The following NFIX variants were observed in gnomAD, a reference collection of about 807,000 sequenced individuals.
The protein encoded by NFIX is nuclear factor 1 X-type.
In NFIX, 2 loss-of-function variants were observed where a neutral mutation model predicts 53.3. That is an observed-to-expected ratio of 0.04 (90% confidence interval 0.02 to 0.12). The LOEUF (loss-of-function observed/expected upper bound fraction) is 0.12. Ranked by LOEUF, NFIX falls within the 10% of genes least tolerant of loss-of-function variation. NFIX has a pLI of 1.00. For synonymous variants in NFIX, 244 were observed against 289.0 expected (o/e 0.84, Z 1.58); for missense variants, 310 against 674.5 (o/e 0.46, Z 5.99).
chr19:13,038,619 G>A (rs977446176), intron 2 of NFIX, among the ~76,000 whole-genome samples: 1 of 152,248 alleles, frequency 6.6e-6, no homozygotes, highest in Non-Finnish European at 1.5e-5. Flanking sequence ...TATGTGAAAT[G>A]TAATCATGAA....
At chr19:13,026,863 G>A (rs2013406023) in intron 2 of NFIX, among the ~76,000 whole-genome samples, 1 of 151,552 alleles carries the variant, frequency 6.6e-6, no homozygotes, top group South Asian at 2.1e-4. Flanking sequence ...TTCAACTCTC[G>A]CAAAGGTTGT....
At chr19:13,007,896 C>A (rs146574056) in intron 1 of NFIX, among the ~76,000 whole-genome samples, 7 of 152,160 alleles carry the variant, frequency 4.6e-5, no homozygotes, top group South Asian at 2.1e-4. Context: ...ACCACTCCCC[C>A]CTCTGTGGCA....
At chr19:13,018,365 A>G (rs766932333) in intron 1 of NFIX, among the ~76,000 whole-genome samples, 110 of 103,698 alleles carry the variant, frequency 1.1e-3, no homozygotes, top group Non-Finnish European at 1.7e-3. Context: ...GGTTTACAGG[A>G]GAGAAGTGTG....
intron 1 of NFIX, among the ~76,000 whole-genome samples, chr19:13,000,626 C>T (rs530565261): frequency 6.6e-6 from 1 of 152,036 alleles, no homozygotes; most frequent in South Asian, 2.1e-4. Context: ...GGTTGGGGGC[C>T]CTGAGTCCTG....
At chr19:13,083,439 T>G (rs1163630047) in intron 8 of NFIX, among the ~76,000 whole-genome samples, 11 of 152,126 alleles carry the variant, frequency 7.2e-5, no homozygotes, top group South Asian at 2.1e-4. Context: ...CTTGAGAAAG[T>G]GGGTCATTTA....
At position 13,094,976 on chromosome 19, in the gene NFIX, C is replaced by A. The variant is rs1666238834; in HGVS notation, c.*327C>A. 3.2e-6 allele frequency: 1 copy of A among 314,550 alleles called. No individual in the cohort carries two copies. Among genetic ancestry groups the A allele is most frequent in the Non-Finnish European group, 6.0e-6 (1 of 167,774 alleles). 19.5% of individuals were successfully genotyped at this position (314,550 alleles called of 1,614,324 possible). On this transcript the variant is annotated 3_prime_UTR_variant, in exon 11 of 11. Transcript: ENST00000592199. The surrounding 1 kb of genome is among the most constrained non-coding windows in gnomAD (Gnocchi z 4.3). ...TGCAGAACTGCCTTCCTCCCCCTGA[C>A]CCCGCCCCGGCCTTCTGGGGAAGGA...
rs1404607661 is a variant in NFIX, at chr19:13,094,078, C to T, written c.1495-557C>T. Among the ~76,000 whole-genome samples, 1 of 152,216 alleles carries T rather than the reference C, an allele frequency of 6.6e-6. No individual in the cohort carries two copies. Among genetic ancestry groups the T allele is most frequent in the Admixed American group, 6.5e-5 (1 of 15,288 alleles). On this transcript the variant is annotated intron_variant, in intron 10 of 10. Transcript: ENST00000592199. The surrounding 1 kb of genome is among the most constrained non-coding windows in gnomAD (Gnocchi z 4.3). ...ACCATGGGCTACGTGGCCCCTCCCC[C>T]AGGCCTGGCGCTACTAGGGACTGAA...
At chr19:13,053,733 A>T (rs2015469828) in intron 2 of NFIX, among the ~76,000 whole-genome samples, 1 of 152,100 alleles carries the variant, frequency 6.6e-6, no homozygotes, top group South Asian at 2.1e-4. Context: ...GGAGGTCAGG[A>T]GCTGAGAAGT....
chr19:13,038,189 A>G (rs1258663286), intron 2 of NFIX, among the ~76,000 whole-genome samples: 3 of 152,228 alleles, frequency 2.0e-5, no homozygotes, highest in Admixed American at 1.3e-4. Flanking sequence ...CAGTGCTGAC[A>G]GCAAGCCCTG....
rs1303596970 is a variant in NFIX, at chr19:13,011,456, C to T, written c.28-13565C>T. On this transcript the variant is annotated intron_variant, in intron 1 of 10. Transcript: ENST00000592199. The surrounding 1 kb of genome is among the most constrained non-coding windows in gnomAD (Gnocchi z 6.5). Reference sequence around the variant, plus strand: ...CTCCAGGCCTTCGCTCCAGGTGCGCCCGGGCGGTGGAGGCGAGTTCCCTGC... The same window carrying T: ...CTCCAGGCCTTCGCTCCAGGTGCGCTCGGGCGGTGGAGGCGAGTTCCCTGC... 6.6e-6 allele frequency among the ~76,000 whole-genome samples: 1 copy of T among 152,114 alleles called. No individual in the cohort carries two copies. The highest frequency in any genetic ancestry group is 2.4e-5 in the African/African-American group (1 of 41,438).
rs1036241439 is a variant in NFIX, at chr19:13,069,370, G to A, written c.560-3677G>A. 1.1e-4 allele frequency among the ~76,000 whole-genome samples: 17 copies of A among 152,310 alleles called. No individual in the cohort carries two copies. In the South Asian group the frequency reaches 2.1e-3, roughly 19 times the overall value. The stretch of plus-strand genomic sequence containing the variant: ...GAGACAGTCCTCGGGGGTGTCGGCC[G>A]ATGACAGAGGATAAAAGATGAAAGA... On this transcript the variant is annotated intron_variant, in intron 2 of 10. Coordinates refer to ENST00000592199, the MANE Select transcript of NFIX (RefSeq NM_001365902.3).
intron 1 of NFIX, among the ~76,000 whole-genome samples, chr19:12,999,094 G>T (rs4926176): frequency 6.6e-6 from 1 of 151,942 alleles, no homozygotes; most frequent in Non-Finnish European, 1.5e-5. Flanking sequence ...ACGGACAGGC[G>T]GATGGATGGA....
rs2018000296 is a variant in NFIX, at chr19:13,089,381, C to T, written c.1403-918C>T. 6.6e-6 allele frequency among the ~76,000 whole-genome samples: 1 copy of T among 152,176 alleles called. No individual in the cohort carries two copies. Among genetic ancestry groups the T allele is most frequent in the Admixed American group, 6.5e-5 (1 of 15,286 alleles). On this transcript the variant is annotated intron_variant, in intron 9 of 10. Coordinates refer to ENST00000592199, the MANE Select transcript of NFIX (RefSeq NM_001365902.3). This position sits in a 1 kb window ranked among gnomAD's most constrained non-coding sequence, Gnocchi z 4.8. ...GGGGTGCAGGGCCTGTTCCCTCCAGCAGGGCTCCATCTGGACAACCTGAGA... is the reference window on the plus strand; with the variant it reads ...GGGGTGCAGGGCCTGTTCCCTCCAGTAGGGCTCCATCTGGACAACCTGAGA...
rs2012574453 is a variant in NFIX, at chr19:13,014,946, G to C, written c.28-10075G>C. Among the ~76,000 whole-genome samples, 1 of 152,252 alleles carries C rather than the reference G, an allele frequency of 6.6e-6. No homozygotes were observed. Among genetic ancestry groups the C allele is most frequent in the Non-Finnish European group, 1.5e-5 (1 of 68,044 alleles). On this transcript the variant is annotated intron_variant, in intron 1 of 10. Coordinates refer to ENST00000592199, the MANE Select transcript of NFIX (RefSeq NM_001365902.3). This position sits in a 1 kb window ranked among gnomAD's most constrained non-coding sequence, Gnocchi z 4.4. Reference sequence around the variant, plus strand: ...TGGGGTAGACCGCTTAGAAGGGAAAGGGGATCCTGAAGTGCCTGAGGAAGA... The same window carrying C: ...TGGGGTAGACCGCTTAGAAGGGAAACGGGATCCTGAAGTGCCTGAGGAAGA...
At position 13,093,758 on chromosome 19, in the gene NFIX, C is replaced by T. The variant is rs528064454; in HGVS notation, c.1495-877C>T. 8.5e-5 allele frequency among the ~76,000 whole-genome samples: 13 copies of T among 152,258 alleles called. No individual in the cohort carries two copies. Among genetic ancestry groups the T allele is most frequent in the African/African-American group, 3.1e-4 (13 of 41,530 alleles). On this transcript the variant is annotated intron_variant, in intron 10 of 10. Coordinates refer to ENST00000592199, the MANE Select transcript of NFIX (RefSeq NM_001365902.3). This position sits in a 1 kb window ranked among gnomAD's most constrained non-coding sequence, Gnocchi z 4.7. ...CATTTTCAGGGACCCTCATTTTGCC[C>T]CAACGGTACTACCAGGTGCACCCAG...
rs1400076118 is a variant in NFIX, at chr19:13,081,268, C to T, written c.1079-412C>T. On this transcript the variant is annotated intron_variant, in intron 7 of 10. Transcript: ENST00000592199. This position sits in a 1 kb window ranked among gnomAD's most constrained non-coding sequence, Gnocchi z 4.7. ...GCCGTGATCCGTGTTTGTGCCACTG[C>T]ACTCCAGTCTGGATGACAGAGCGAG... Among the ~76,000 whole-genome samples, 1 of 152,132 alleles carries T rather than the reference C, an allele frequency of 6.6e-6. No homozygotes were observed. Among genetic ancestry groups the T allele is most frequent in the African/African-American group, 2.4e-5 (1 of 41,410 alleles).
In NFIX at chr19:13,081,670, G is replaced by A. The variant is rs772344456; in HGVS notation, c.1079-10G>A. 22 of 1,609,932 alleles carry A rather than the reference G, an allele frequency of 1.4e-5. No homozygotes were observed. The highest frequency in any genetic ancestry group is 1.6e-4 in the Middle Eastern group (1 of 6,070). ...CTGACGCCCTTTTTTCCCTGCCCAC[G>A]TGCATGCAGGGAGCCCCCGGGCCAC... On this transcript the variant is annotated splice_polypyrimidine_tract_variant and intron_variant, in intron 7 of 10. Transcript: ENST00000592199. This position sits in a 1 kb window ranked among gnomAD's most constrained non-coding sequence, Gnocchi z 4.7.
rs1325004006 is a variant in NFIX, at chr19:13,045,057, A to C, written c.559+19505A>C. Among the ~76,000 whole-genome samples, 1 of 152,206 alleles carries C rather than the reference A, an allele frequency of 6.6e-6. No homozygotes were observed. Among genetic ancestry groups the C allele is most frequent in the Non-Finnish European group, 1.5e-5 (1 of 68,032 alleles). On this transcript the variant is annotated intron_variant, in intron 2 of 10. Coordinates refer to ENST00000592199, the MANE Select transcript of NFIX (RefSeq NM_001365902.3). This position sits in a 1 kb window ranked among gnomAD's most constrained non-coding sequence, Gnocchi z 4.4. Reference sequence around the variant, plus strand: ...CAGCGGTGGCCCGCCGGCAGCTCAGATACCTGGGAGCAGCACAGGGCTCAG... The same window carrying C: ...CAGCGGTGGCCCGCCGGCAGCTCAGCTACCTGGGAGCAGCACAGGGCTCAG...
In NFIX at chr19:13,097,587, C is replaced by T. The variant is rs764071145; in HGVS notation, c.*2938C>T. On this transcript the variant is annotated 3_prime_UTR_variant, in exon 11 of 11. Coordinates refer to ENST00000592199, the MANE Select transcript of NFIX (RefSeq NM_001365902.3). ...GGACTGCTCCGGCCGCGGGTCTCCC[C>T]GGGCGCCCCTCCCTGGGGCCCAGCA... 5 of 152,424 alleles carry T rather than the reference C, an allele frequency of 3.3e-5. No individual in the cohort carries two copies. The highest frequency in any genetic ancestry group is 7.2e-5 in the African/African-American group (3 of 41,384). The allele number at this position is 152,424 out of a possible 1,614,324, so 9.4% of individuals were successfully genotyped here. A position where few individuals can be genotyped will look rare whatever the true frequency, so the allele number is the denominator to read the frequency against.
Sources: allele counts gnomAD v4.1 joint callset (sites outside exome capture counted in the v4.1 genomes callset), GRCh38; gene constraint gnomAD v4.1.1; non-coding constraint Gnocchi (gnomAD v3.1); transcripts MANE v1.5; gene names NCBI Gene and HGNC (gene_info 2026-07-23, HGNC 2026-07-21).